The following AUTS2 variants were observed in gnomAD, a reference collection of about 807,000 sequenced individuals.
AUTS2 encodes the protein autism susceptibility gene 2 protein.
Under a neutral mutation model 112.4 loss-of-function variants are expected in AUTS2, and 17 were observed. The ratio of observed to expected loss-of-function variants is 0.15; its 90% confidence interval spans 0.10 to 0.23. The LOEUF (loss-of-function observed/expected upper bound fraction) is 0.23. Ranked by LOEUF, AUTS2 falls within the 10% of genes least tolerant of loss-of-function variation. The probability of loss-of-function intolerance (pLI) is 1.00; values close to 1 mark genes in which losing one functional copy is unlikely to be tolerated. For missense variants in AUTS2, 1,510 were observed against 1,701.6 expected, an observed-to-expected ratio of 0.89 and a Z score of 1.98; for synonymous variants, 751 against 702.7, an observed-to-expected ratio of 1.07 and a Z score of -1.09.
intron 7 of AUTS2, among the ~76,000 whole-genome samples, chr7:70,764,059 G>C (rs1451530381): frequency 6.6e-6 from 1 of 152,162 alleles, no homozygotes; most frequent in East Asian, 1.9e-4. Context: ...TGCCCCGGGG[G>C]CTATAATTCT....
chr7:70,040,479 G>C (rs931557668), intron 2 of AUTS2, among the ~76,000 whole-genome samples: 2 of 152,194 alleles, frequency 1.3e-5, no homozygotes, highest in Non-Finnish European at 2.9e-5. Context: ...TTACTGAAAT[G>C]CAGTATATGA....
intron 4 of AUTS2, among the ~76,000 whole-genome samples, chr7:70,399,298 CT>C (rs1386522569): frequency 6.6e-6 from 1 of 151,980 alleles, no homozygotes; most frequent in Non-Finnish European, 1.5e-5. Flanking sequence ...CCAGGTCTTC[CT>C]TTTTTAGTGT....
intron 1 of AUTS2, among the ~76,000 whole-genome samples, chr7:69,894,953 G>A (rs561122194): frequency 1.3e-5 from 2 of 152,198 alleles, no homozygotes; most frequent in East Asian, 3.9e-4. Flanking sequence ...GAATCAACAG[G>A]CCTTTGAAAA....
At chr7:69,773,596 C>T (rs530011690) in intron 1 of AUTS2, among the ~76,000 whole-genome samples, 2 of 152,284 alleles carry the variant, frequency 1.3e-5, no homozygotes, top group African/African-American at 2.4e-5. Flanking sequence ...AAACCACACC[C>T]CATATCACCA....
intron 4 of AUTS2, among the ~76,000 whole-genome samples, chr7:70,278,926 G>A (rs1788073126): frequency 1.3e-5 from 2 of 152,176 alleles, no homozygotes; most frequent in Admixed American, 1.3e-4. Context: ...TAAGTAGTCA[G>A]GTTCATCTTT....
intron 1 of AUTS2, among the ~76,000 whole-genome samples, chr7:69,678,829 T>C (rs923687360): frequency 1.3e-5 from 2 of 152,226 alleles, no homozygotes; most frequent in African/African-American, 4.8e-5. Context: ...GAGAAACAAC[T>C]TGCCCACTGT....
intron 2 of AUTS2, among the ~76,000 whole-genome samples, chr7:69,978,349 T>C (rs1486081422): frequency 6.6e-6 from 1 of 152,218 alleles, no homozygotes; most frequent in Non-Finnish European, 1.5e-5. Flanking sequence ...TGCATTTTTG[T>C]AATAAGACTG....
chr7:70,274,628 G>A (rs1263010598), intron 4 of AUTS2, among the ~76,000 whole-genome samples: 1 of 152,100 alleles, frequency 6.6e-6, no homozygotes, highest in Non-Finnish European at 1.5e-5. Context: ...GAGTGAGTGA[G>A]AAAGAGAGAG....
chr7:69,813,519 C>G (rs1790635751), intron 1 of AUTS2, among the ~76,000 whole-genome samples: 1 of 152,158 alleles, frequency 6.6e-6, no homozygotes, highest in Non-Finnish European at 1.5e-5. Flanking sequence ...CTTTCTAAGC[C>G]TAGGTTTCTC....
chr7:70,560,769 T>A (rs1801453893), intron 5 of AUTS2, among the ~76,000 whole-genome samples: 1 of 152,258 alleles, frequency 6.6e-6, no homozygotes, highest in Non-Finnish European at 1.5e-5. Flanking sequence ...TTCCTAGAAC[T>A]TTTGTTTGAC....
At chr7:70,499,989 C>T (rs75622831) in intron 5 of AUTS2, among the ~76,000 whole-genome samples, 1,522 of 152,198 alleles carry the variant, frequency 0.01, 27 homozygotes, top group African/African-American at 0.034. Flanking sequence ...CTTTTCTGTA[C>T]GTGTGGAGTG....
chr7:70,312,975 A>C (rs1475346885), intron 4 of AUTS2, among the ~76,000 whole-genome samples: 3 of 152,212 alleles, frequency 2.0e-5, no homozygotes, highest in Non-Finnish European at 4.4e-5. Context: ...TAGTTGTGGA[A>C]GATTGATTTG....
chr7:70,360,102 A>G (rs1792192243), intron 4 of AUTS2, among the ~76,000 whole-genome samples: 1 of 152,178 alleles, frequency 6.6e-6, no homozygotes, highest in Non-Finnish European at 1.5e-5. Flanking sequence ...GAATGCTAAT[A>G]TTGGCTTTGA....
At chr7:69,621,072 GATA>G (rs903049636) in intron 1 of AUTS2, among the ~76,000 whole-genome samples, 4 of 152,266 alleles carry the variant, frequency 2.6e-5, no homozygotes, top group Non-Finnish European at 5.9e-5. Flanking sequence ...ATGCAAAAAT[GATA>G]ATAATAATGA....
At chr7:69,853,884 A>T (rs1313948983) in intron 1 of AUTS2, among the ~76,000 whole-genome samples, 1 of 152,170 alleles carries the variant, frequency 6.6e-6, no homozygotes, top group Admixed American at 6.5e-5. Flanking sequence ...TGTAAGTGAG[A>T]TGAAAGTGAA....
intron 1 of AUTS2, among the ~76,000 whole-genome samples, chr7:69,738,289 G>A (rs1244635505): frequency 6.6e-6 from 1 of 152,028 alleles, no homozygotes; most frequent in East Asian, 1.9e-4. Flanking sequence ...GTACATGGGA[G>A]GGGGACAAGG....
chr7:70,163,368 A>AGGGGGGGGG (rs1808217213), intron 4 of AUTS2, among the ~76,000 whole-genome samples: 1 of 6,112 alleles, frequency 1.6e-4, no homozygotes, highest in Non-Finnish European at 3.5e-4. Context: ...GCAGAGGGGG[A>AGGGGGGGGG]GGGAGAAGGA....
intron 5 of AUTS2, among the ~76,000 whole-genome samples, chr7:70,524,303 A>G (rs1026237150): frequency 6.6e-6 from 1 of 152,202 alleles, no homozygotes; most frequent in Non-Finnish European, 1.5e-5. Context: ...TGACTCTCCC[A>G]CTTACAATGG....
At chr7:70,269,412 G>A (rs899288800) in intron 4 of AUTS2, among the ~76,000 whole-genome samples, 2 of 152,128 alleles carry the variant, frequency 1.3e-5, no homozygotes, top group African/African-American at 4.8e-5. Flanking sequence ...TGGGGGATGG[G>A]GGTGTTCTGG....
Sources: allele counts gnomAD v4.1 joint callset (sites outside exome capture counted in the v4.1 genomes callset), GRCh38; gene constraint gnomAD v4.1.1; transcripts MANE v1.5; gene names NCBI Gene and HGNC (gene_info 2026-07-23, HGNC 2026-07-21).